Variants in KLF13 observed in about 807,000 individuals in gnomAD.
KLF13 encodes KLF transcription factor 13, also known as Krueppel-like factor 13.
In KLF13, 8 loss-of-function variants were observed where a neutral mutation model predicts 16.7. The ratio of observed to expected loss-of-function variants is 0.48; its 90% CI spans 0.28 to 0.87. The LOEUF is 0.87. Ranked by LOEUF, KLF13 falls within the 40% of genes least tolerant of loss-of-function variation. KLF13 has a pLI of 0.10. For synonymous variants in KLF13, 245 were observed against 208.4 expected, an observed-to-expected ratio of 1.18 and a Z score of -1.51; for missense variants, 447 against 452.2, an observed-to-expected ratio of 0.99 and a Z score of 0.10.
In KLF13 at chr15:31,370,223, A is replaced by G. The variant is rs1325684012; in HGVS notation, c.578-1787A>G. The stretch of plus-strand genomic sequence containing the variant: ...CCCTTTCCCCCAACATGTAAAATCA[A>G]TAAAGAGAGCAAGTGTACCCACACA... On this transcript the variant is annotated intron_variant, in intron 1 of 1. Transcript: ENST00000307145. Among the ~76,000 whole-genome samples the G allele has an allele frequency of 2.6e-5, 4 of 151,894 alleles. No individual in the cohort carries two copies. In the East Asian group the frequency reaches 5.8e-4, roughly 22 times the overall value.
chr15:31,346,854 C>T (rs1310599430), intron 1 of KLF13, among the ~76,000 whole-genome samples: 1 of 152,236 alleles, frequency 6.6e-6, no homozygotes, highest in African/African-American at 2.4e-5. Context: ...CTCTGCACCC[C>T]TCTGTGCTGG....
At chr15:31,392,694 A>G (rs1465887025), upstream of KLF13, 1 of 152,358 alleles carries the variant, frequency 6.6e-6, no homozygotes, top group South Asian at 2.1e-4. Context: ...GAAATTCAGT[A>G]GAGTCTGCTC....
At chr15:31,381,961 T>C (rs149654020), downstream of KLF13, among the ~76,000 whole-genome samples, 1 of 152,314 alleles carries the variant, frequency 6.6e-6, no homozygotes, top group East Asian at 1.9e-4. Flanking sequence ...CTGAGCAGCC[T>C]GCCACGCAGC....
chr15:31,415,125 T>C (rs1473539719), intron 1 of KLF13, among the ~76,000 whole-genome samples: 1 of 152,180 alleles, frequency 6.6e-6, no homozygotes, highest in East Asian at 1.9e-4. Flanking sequence ...TCTGTACACG[T>C]CCGCTCCCCT....
chr15:31,366,666 C>T (rs188222392), intron 1 of KLF13: 2 of 144,274 alleles, frequency 1.4e-5, no homozygotes, highest in East Asian at 4.1e-4. Flanking sequence ...CCATTGGGCT[C>T]CCTTTGCCTT....
intron 1 of KLF13, among the ~76,000 whole-genome samples, chr15:31,339,218 G>A (rs943011875): frequency 1.3e-5 from 2 of 151,978 alleles, no homozygotes; most frequent in African/African-American, 4.8e-5. Flanking sequence ...AGTTCCCATT[G>A]TCTCAAGTTT....
At chr15:31,390,536 C>T (rs536997597), upstream of KLF13, among the ~76,000 whole-genome samples, 16 of 152,170 alleles carry the variant, frequency 1.1e-4, no homozygotes, top group South Asian at 2.1e-4. Flanking sequence ...TTACCATCTT[C>T]GAAATCTGTC....
chr15:31,427,784 T>C (rs1462144011), intron 1 of KLF13, among the ~76,000 whole-genome samples: 2 of 152,028 alleles, frequency 1.3e-5, no homozygotes, highest in Non-Finnish European at 2.9e-5. Flanking sequence ...GGAAGGCAAA[T>C]TGGGAGCAGG....
intron 1 of KLF13, among the ~76,000 whole-genome samples, chr15:31,357,389 T>C (rs1416056341): frequency 6.6e-6 from 1 of 152,222 alleles, no homozygotes; most frequent in African/African-American, 2.4e-5. Flanking sequence ...ATCCTTGATG[T>C]CTGGTGACAC....
intron 1 of KLF13, among the ~76,000 whole-genome samples, chr15:31,358,745 T>A (rs1487886669): frequency 6.6e-6 from 1 of 152,234 alleles, no homozygotes; most frequent in East Asian, 1.9e-4. Context: ...TCTTGCCTTG[T>A]GTTTCAGAAA....
rs145683744 is a variant in KLF13 at position 31,332,249 on chromosome 15, C to T, written c.577+4460C>T. Among the ~76,000 whole-genome samples the T allele has an allele frequency of 5.1e-3, 775 of 152,290 alleles. 3 individuals carry two copies. Among genetic ancestry groups the T allele is most frequent in the Admixed American group, 8.0e-3 (122 of 15,306 alleles). Reference sequence around the variant, plus strand: ...GAAAGAGACCACACTTGTTAGTCCCCGCTCTGAGGGAGAGACCTATTGTGT... The same window carrying T: ...GAAAGAGACCACACTTGTTAGTCCCTGCTCTGAGGGAGAGACCTATTGTGT... On this transcript the variant is annotated intron_variant, in intron 1 of 1. Transcript: ENST00000307145.
chr15:31,327,879 A>C (rs1387387436), intron 1 of KLF13, 90 bp downstream of exon 1: 1 of 1,168,232 alleles, frequency 8.6e-7, no homozygotes, highest in Non-Finnish European at 1.1e-6. Flanking sequence ...ATGGGGCGCG[A>C]GGTGGGGGCC....
At chr15:31,341,067 G>A (rs2039014599) in intron 1 of KLF13, among the ~76,000 whole-genome samples, 2 of 152,164 alleles carry the variant, frequency 1.3e-5, no homozygotes, top group South Asian at 4.2e-4. Flanking sequence ...TCGCCTCATG[G>A]AAGCTTGACT....
downstream of KLF13, among the ~76,000 whole-genome samples, chr15:31,378,723 C>T (rs544084603): frequency 5.7e-4 from 87 of 152,198 alleles, no homozygotes; most frequent in African/African-American, 2.1e-3. Flanking sequence ...TTTTTTGAGA[C>T]ACAGTCTCGC....
At chr15:31,353,262 C>T (rs1382430919) in intron 1 of KLF13, among the ~76,000 whole-genome samples, 1 of 152,164 alleles carries the variant, frequency 6.6e-6, no homozygotes, top group Non-Finnish European at 1.5e-5. Flanking sequence ...TTTACAGCCG[C>T]CTGTGCTGGG....
chr15:31,378,662 G>T (rs1040301647), downstream of KLF13, among the ~76,000 whole-genome samples: 1 of 152,176 alleles, frequency 6.6e-6, no homozygotes, highest in Admixed American at 6.5e-5. Context: ...GTAGACCAGC[G>T]CTGCATCTGG....
chr15:31,344,258 A>C (rs1034049011), intron 1 of KLF13, among the ~76,000 whole-genome samples: 1 of 152,156 alleles, frequency 6.6e-6, no homozygotes, highest in African/African-American at 2.4e-5. Context: ...CTGTGTCAGG[A>C]GGGGAGTGGG....
downstream of KLF13, among the ~76,000 whole-genome samples, chr15:31,379,849 C>A (rs1045269059): frequency 1.6e-4 from 25 of 152,134 alleles, no homozygotes; most frequent in Middle Eastern, 3.2e-3. Flanking sequence ...TTTCTCAGGA[C>A]TTGGATTAGA....
intron 1 of KLF13, among the ~76,000 whole-genome samples, chr15:31,331,318 G>A (rs1273513564): frequency 6.6e-6 from 1 of 152,232 alleles, no homozygotes; most frequent in Non-Finnish European, 1.5e-5. Context: ...TGGGGTGGAG[G>A]AGGGAAGTAG....
Sources: allele counts gnomAD v4.1 joint callset (sites outside exome capture counted in the v4.1 genomes callset), GRCh38; gene constraint gnomAD v4.1.1; transcripts MANE v1.5; gene names NCBI Gene and HGNC (gene_info 2026-07-23, HGNC 2026-07-21).